NRG1: variants seen among roughly 807,000 people sequenced by gnomAD.
NRG1 encodes the protein neuregulin 1.
NRG1 carries 18 observed loss-of-function variants against 63.8 expected under a neutral mutation model. That is an observed-to-expected ratio of 0.28 (90% CI 0.19 to 0.42). NRG1 has a LOEUF of 0.42. Among genes scored for constraint, NRG1 ranks in the 10% least tolerant of loss-of-function variants. NRG1 has a pLI of 1.00. For missense variants in NRG1, 762 were observed against 814.7 expected (o/e 0.94, Z 0.79); for synonymous variants, 302 against 301.3 (o/e 1.00, Z -0.02).
At chr8:32,332,416 C>T (rs1370688657) in intron 1 of NRG1, among the ~76,000 whole-genome samples, 3 of 152,094 alleles carry the variant, frequency 2.0e-5, no homozygotes, top group Non-Finnish European at 4.4e-5. Flanking sequence ...TCCCTGACCC[C>T]CTTCTTGACA....
chr8:31,796,916 G>A (rs1164970710), intron 1 of NRG1, among the ~76,000 whole-genome samples: 2 of 152,118 alleles, frequency 1.3e-5, no homozygotes, highest in African/African-American at 4.8e-5. Context: ...AGAATCAACA[G>A]TATTCCTAGT....
intron 1 of NRG1, among the ~76,000 whole-genome samples, chr8:32,565,013 T>C (rs73234149): frequency 0.2 from 30,357 of 152,004 alleles, 3,859 homozygotes; most frequent in Admixed American, 0.33. Flanking sequence ...GAGGGTACAG[T>C]GAACCATGAT....
chr8:31,648,226 CG>C (rs1804487876), intron 1 of NRG1, among the ~76,000 whole-genome samples: 1 of 147,050 alleles, frequency 6.8e-6, no homozygotes, highest in Admixed American at 7.0e-5. Context: ...CTCCGCCTCC[CG>C]GGTTCACGCC....
intron 1 of NRG1, among the ~76,000 whole-genome samples, chr8:31,837,230 C>T (rs1312631257): frequency 6.6e-6 from 1 of 151,874 alleles, no homozygotes; most frequent in African/African-American, 2.4e-5. Flanking sequence ...ATGGTGTTTG[C>T]TATGGAGAAA....
intron 1 of NRG1, among the ~76,000 whole-genome samples, chr8:32,082,122 A>G (rs779516351): frequency 1.3e-5 from 2 of 152,112 alleles, no homozygotes; most frequent in African/African-American, 2.4e-5. Context: ...GCTTGTTGAC[A>G]AAAACCAGGC....
At position 31,700,622 on chromosome 8, in the gene NRG1, A is replaced by G. The variant is rs368918178; in HGVS notation, c.37+61191A>G. Among the ~76,000 whole-genome samples, 16 of 152,316 alleles carry G rather than the reference A, an allele frequency of 1.1e-4. 1 individual carries two copies. Among genetic ancestry groups the G allele is most frequent in the South Asian group, 8.3e-4 (4 of 4,824 alleles). On this transcript the variant is annotated intron_variant, in intron 1 of 10. Transcript: ENST00000519301. ...TGAAGGAGGCCAAGTGAATTGCATC[A>G]GGGTGCCTGGTAGAAAAACTGGCAT... is the stretch of plus-strand genomic sequence containing the variant.
chr8:31,803,990 C>T (rs1200766911), intron 1 of NRG1, among the ~76,000 whole-genome samples: 2 of 152,112 alleles, frequency 1.3e-5, no homozygotes, highest in Admixed American at 6.5e-5. Flanking sequence ...GCTACCCTGC[C>T]GAATATCGCC....
intron 1 of NRG1, among the ~76,000 whole-genome samples, chr8:31,890,554 C>T (rs1022552685): frequency 2.0e-5 from 3 of 152,100 alleles, no homozygotes; most frequent in African/African-American, 4.8e-5. Flanking sequence ...ACAAAATAAT[C>T]ATGACATTTC....
chr8:31,799,330 G>A (rs1821528827), intron 1 of NRG1, among the ~76,000 whole-genome samples: 1 of 151,998 alleles, frequency 6.6e-6, no homozygotes, highest in Admixed American at 6.5e-5. Context: ...TCAGTTTTAG[G>A]CGATACTTGC....
intron 5 of NRG1, among the ~76,000 whole-genome samples, chr8:32,635,750 T>C (rs552275773): frequency 4.6e-5 from 7 of 152,268 alleles, no homozygotes; most frequent in Non-Finnish European, 1.0e-4. Flanking sequence ...TTAGGTACCT[T>C]GGAAAACTGC....
intron 1 of NRG1, among the ~76,000 whole-genome samples, chr8:32,525,364 T>A (rs1246581010): frequency 6.6e-6 from 1 of 151,058 alleles, no homozygotes; most frequent in African/African-American, 2.4e-5. Flanking sequence ...CTAGACAAGA[T>A]TATTCTCATC....
At chr8:32,176,658 G>C (rs1371726805) in intron 1 of NRG1, among the ~76,000 whole-genome samples, 2 of 152,200 alleles carry the variant, frequency 1.3e-5, no homozygotes, top group African/African-American at 4.8e-5. Context: ...CCATCAAAAA[G>C]TGGGTGAAGG....
At chr8:32,757,970 C>A (rs926008368) in intron 9 of NRG1, among the ~76,000 whole-genome samples, 2 of 152,106 alleles carry the variant, frequency 1.3e-5, no homozygotes, top group Non-Finnish European at 1.5e-5. Context: ...ACTGTGTATC[C>A]TTTCCTTAAA....
chr8:32,139,123 A>G (rs1382112956), intron 1 of NRG1: 1 of 152,204 alleles, frequency 6.6e-6, no homozygotes, highest in Non-Finnish European at 1.5e-5. Context: ...ACCCAGATAC[A>G]TGCAGAGTCA....
upstream of NRG1, among the ~76,000 whole-genome samples, chr8:32,547,896 C>T (rs1251714957): frequency 2.6e-5 from 4 of 152,144 alleles, no homozygotes; most frequent in Non-Finnish European, 2.9e-5. Flanking sequence ...GAGTCGCAAA[C>T]TTTTCTCTGC....
intron 1 of NRG1, among the ~76,000 whole-genome samples, chr8:31,928,754 A>G (rs1834625610): frequency 6.6e-6 from 1 of 152,190 alleles, no homozygotes; most frequent in Non-Finnish European, 1.5e-5. Flanking sequence ...CCATTATTCT[A>G]AATAAAGTAT....
chr8:31,672,463 T>G (rs1024306317), intron 1 of NRG1, among the ~76,000 whole-genome samples: 1 of 152,178 alleles, frequency 6.6e-6, no homozygotes, highest in Non-Finnish European at 1.5e-5. Flanking sequence ...AGTGACCATC[T>G]GGACCAGTTT....
chr8:32,444,065 T>C (rs1819925844), intron 1 of NRG1, among the ~76,000 whole-genome samples: 1 of 151,162 alleles, frequency 6.6e-6, no homozygotes, highest in Non-Finnish European at 1.5e-5. Flanking sequence ...TCTCTCTCTC[T>C]TTCTCTTCCC....
intron 1 of NRG1, among the ~76,000 whole-genome samples, chr8:32,075,487 C>A (rs543364011): frequency 1.2e-4 from 18 of 151,902 alleles, no homozygotes; most frequent in Non-Finnish European, 2.4e-4. Context: ...TATTCCAGAA[C>A]CCCCATGGAT....
Sources: gnomAD v4.1 joint callset for allele counts (sites outside exome capture counted in the v4.1 genomes callset) on GRCh38, gnomAD v4.1.1 for gene constraint, MANE v1.5 for transcripts, NCBI Gene and HGNC (gene_info 2026-07-23, HGNC 2026-07-21) for gene names.